The following DLG2 variants were observed in gnomAD, a reference collection of about 807,000 sequenced individuals.
DLG2 encodes the protein disks large homolog 2.
DLG2 carries 45 observed loss-of-function variants against 132.5 expected under a neutral mutation model. That is an observed-to-expected ratio of 0.34 (90% confidence interval 0.27 to 0.44). DLG2 has a LOEUF of 0.44. Ranked by LOEUF, DLG2 falls within the 20% of genes least tolerant of loss-of-function variation. The pLI, the probability that DLG2 is intolerant of heterozygous loss-of-function variation, is 1.00. For synonymous variants in DLG2, 424 were observed against 419.6 expected (o/e 1.01, Z -0.13); for missense variants, 1,045 against 1,196.9 (o/e 0.87, Z 1.87).
intron 6 of DLG2, among the ~76,000 whole-genome samples, chr11:85,101,995 C>G (rs1377042692): frequency 6.6e-6 from 1 of 151,956 alleles, no homozygotes; most frequent in African/African-American, 2.4e-5. Flanking sequence ...GAAAGACCTT[C>G]AAATGTGCTT....
At chr11:83,829,360 C>T (rs1225959497) in intron 17 of DLG2, among the ~76,000 whole-genome samples, 1 of 152,020 alleles carries the variant, frequency 6.6e-6, no homozygotes, top group South Asian at 2.1e-4. Flanking sequence ...CGATGCCTGG[C>T]TAATTTTTGT....
intron 3 of DLG2, among the ~76,000 whole-genome samples, chr11:85,293,255 A>C (rs2079022543): frequency 6.6e-6 from 1 of 152,218 alleles, no homozygotes. Flanking sequence ...GCCTTATAGT[A>C]TCTCCCCACC....
At chr11:84,767,877 T>G (rs187534295) in intron 6 of DLG2, among the ~76,000 whole-genome samples, 1 of 152,246 alleles carries the variant, frequency 6.6e-6, no homozygotes, top group African/African-American at 2.4e-5. Flanking sequence ...TTATTGACCT[T>G]GAGTTTCTCT....
chr11:85,211,499 G>A (rs932199136), intron 4 of DLG2, among the ~76,000 whole-genome samples: 3 of 152,034 alleles, frequency 2.0e-5, no homozygotes, highest in African/African-American at 4.8e-5. Context: ...CAGAAGTAAG[G>A]TGTCCCTTGT....
chr11:84,959,831 T>C (rs187833455), intron 6 of DLG2, among the ~76,000 whole-genome samples: 2 of 152,262 alleles, frequency 1.3e-5, no homozygotes, highest in East Asian at 1.9e-4. Context: ...TTGGATGTTC[T>C]CTTGGGCGTG....
At chr11:84,930,016 G>A (rs2047909836) in intron 6 of DLG2, among the ~76,000 whole-genome samples, 2 of 152,152 alleles carry the variant, frequency 1.3e-5, no homozygotes, top group South Asian at 4.1e-4. Flanking sequence ...AAGAATGAGT[G>A]CCTCACAAGC....
chr11:83,892,766 C>A (rs1225687668), intron 15 of DLG2, among the ~76,000 whole-genome samples: 2 of 151,736 alleles, frequency 1.3e-5, no homozygotes, highest in Non-Finnish European at 2.9e-5. Context: ...ATAGAAGATT[C>A]AGACATCCAT....
chr11:84,447,681 T>C (rs2099039433), intron 7 of DLG2, among the ~76,000 whole-genome samples: 1 of 152,042 alleles, frequency 6.6e-6, no homozygotes, highest in African/African-American at 2.4e-5. Flanking sequence ...ATTTATTTAT[T>C]TATTTAGAGA....
chr11:85,518,006 C>T (rs567264130), intron 3 of DLG2, among the ~76,000 whole-genome samples: 5 of 152,298 alleles, frequency 3.3e-5, no homozygotes, highest in South Asian at 4.1e-4. Context: ...CCTTACACCA[C>T]GATTGCAAGG....
chr11:84,579,324 T>G (rs532616780), intron 6 of DLG2, among the ~76,000 whole-genome samples: 1 of 152,192 alleles, frequency 6.6e-6, no homozygotes, highest in South Asian at 2.1e-4. Context: ...CTTAGCCAAT[T>G]GCACTTTTAT....
chr11:84,811,778 A>C (rs1027849985), intron 6 of DLG2, among the ~76,000 whole-genome samples: 7 of 152,200 alleles, frequency 4.6e-5, no homozygotes, highest in African/African-American at 1.7e-4. Flanking sequence ...TAGGCCATAG[A>C]TATTCAAATG....
chr11:83,879,299 T>G (rs916955689), intron 15 of DLG2, among the ~76,000 whole-genome samples: 2 of 152,196 alleles, frequency 1.3e-5, no homozygotes, highest in African/African-American at 2.4e-5. Flanking sequence ...ACTTTATTAA[T>G]TAACTGATAA....
At chr11:85,238,026 A>G (rs927748989) in intron 4 of DLG2, among the ~76,000 whole-genome samples, 23 of 151,924 alleles carry the variant, frequency 1.5e-4, no homozygotes, top group African/African-American at 4.8e-4. Context: ...TTACTAGTAA[A>G]TATTCTTTGT....
At chr11:85,238,087 A>C (rs74455458) in intron 4 of DLG2, among the ~76,000 whole-genome samples, 1 of 152,056 alleles carries the variant, frequency 6.6e-6, no homozygotes, top group East Asian at 1.9e-4. Context: ...AAACCTGTTT[A>C]GGTAAGAATC....
At chr11:84,016,682 G>A (rs1224271378) in intron 11 of DLG2, among the ~76,000 whole-genome samples, 1 of 152,042 alleles carries the variant, frequency 6.6e-6, no homozygotes, top group Admixed American at 6.6e-5. Context: ...TTATTTCTGG[G>A]TTCTCTATTT....
intron 3 of DLG2, among the ~76,000 whole-genome samples, chr11:85,308,420 G>A (rs1006620415): frequency 6.6e-6 from 1 of 152,022 alleles, no homozygotes; most frequent in Non-Finnish European, 1.5e-5. Flanking sequence ...TTGGCTTCTG[G>A]TTGGGATCAG....
chr11:84,629,161 T>C (rs550969495), intron 6 of DLG2, among the ~76,000 whole-genome samples: 33 of 152,332 alleles, frequency 2.2e-4, no homozygotes, highest in Non-Finnish European at 4.1e-4. Flanking sequence ...TGAGATATAA[T>C]AGCTGATTTA....
At chr11:84,349,736 T>C (rs768561244) in intron 7 of DLG2, among the ~76,000 whole-genome samples, 1 of 152,140 alleles carries the variant, frequency 6.6e-6, no homozygotes, top group Admixed American at 6.5e-5. Context: ...GAAATACTTA[T>C]CAACAAATAT....
intron 6 of DLG2, among the ~76,000 whole-genome samples, chr11:84,656,257 T>A (rs1474269614): frequency 6.6e-6 from 1 of 152,168 alleles, no homozygotes; most frequent in East Asian, 1.9e-4. Flanking sequence ...ACCAGTCCAA[T>A]CTTTCTGAAG....
Sources: gnomAD v4.1 joint callset for allele counts (sites outside exome capture counted in the v4.1 genomes callset) on GRCh38, gnomAD v4.1.1 for gene constraint, MANE v1.5 for transcripts, NCBI Gene and HGNC (gene_info 2026-07-23, HGNC 2026-07-21) for gene names.